The following AKAP6 variants were observed in gnomAD, a reference collection of about 807,000 sequenced individuals.
AKAP6 encodes A-kinase anchor protein 6.
In AKAP6, 58 loss-of-function variants were observed where a neutral mutation model predicts 188.5. The observed-to-expected ratio is 0.31, with a 90% CI of 0.25 to 0.38. The LOEUF (loss-of-function observed/expected upper bound fraction) is 0.38. Among genes scored for constraint, AKAP6 ranks in the 10% least tolerant of loss-of-function variants. The probability of loss-of-function intolerance (pLI) is 1.00; values close to 1 mark genes in which losing one functional copy is unlikely to be tolerated. For synonymous variants in AKAP6, 989 were observed against 998.6 expected (o/e 0.99, Z 0.18); for missense variants, 2,710 against 2,740.0 (o/e 0.99, Z 0.24).
intron 12 of AKAP6, among the ~76,000 whole-genome samples, chr14:32,801,697 A>G (rs1053942516): frequency 2.0e-5 from 3 of 152,174 alleles, no homozygotes; most frequent in Admixed American, 6.5e-5. Flanking sequence ...TCTGTTGGCA[A>G]TGAAACCACC....
intron 11 of AKAP6, among the ~76,000 whole-genome samples, chr14:32,762,022 T>A (rs1368655520): frequency 6.6e-6 from 1 of 152,116 alleles, no homozygotes; most frequent in Non-Finnish European, 1.5e-5. Context: ...AATATAAAAA[T>A]AAATGGCAAT....
intron 4 of AKAP6, among the ~76,000 whole-genome samples, chr14:32,556,369 G>A (rs978406926): frequency 6.6e-6 from 1 of 151,974 alleles, no homozygotes; most frequent in African/African-American, 2.4e-5. Flanking sequence ...TTGAGACAGG[G>A]TCTTGCTCTG....
At chr14:32,625,406 C>A (rs1357500316) in intron 7 of AKAP6, among the ~76,000 whole-genome samples, 1 of 152,078 alleles carries the variant, frequency 6.6e-6, no homozygotes, top group East Asian at 1.9e-4. Flanking sequence ...CCCTGCACAC[C>A]ATTAAGGTGT....
At chr14:32,608,499 C>A (rs1418086365) in intron 7 of AKAP6, among the ~76,000 whole-genome samples, 1,793 of 104,282 alleles carry the variant, frequency 0.017, no homozygotes, top group African/African-American at 0.018. Flanking sequence ...GAGTCTGTCT[C>A]AAAAAAAAAA....
At chr14:32,713,937 G>T (rs1312180066) in intron 9 of AKAP6, among the ~76,000 whole-genome samples, 2 of 152,014 alleles carry the variant, frequency 1.3e-5, no homozygotes, top group Non-Finnish European at 2.9e-5. Context: ...CTCGTTTTCA[G>T]ACTATCTCAG....
intron 2 of AKAP6, among the ~76,000 whole-genome samples, chr14:32,475,557 T>C (rs1455041168): frequency 6.6e-6 from 1 of 152,210 alleles, no homozygotes; most frequent in Non-Finnish European, 1.5e-5. Context: ...ATTCTGTCAA[T>C]GTGGAAGATC....
chr14:32,589,742 A>G (rs963677176), intron 5 of AKAP6, among the ~76,000 whole-genome samples: 1 of 152,220 alleles, frequency 6.6e-6, no homozygotes, highest in Non-Finnish European at 1.5e-5. Flanking sequence ...TTAGGAAATA[A>G]TGATTGTTTT....
chr14:32,814,558 C>G (rs572526600), intron 12 of AKAP6, among the ~76,000 whole-genome samples: 2 of 152,222 alleles, frequency 1.3e-5, no homozygotes, highest in African/African-American at 4.8e-5. Flanking sequence ...AGGCTATTAG[C>G]TTTTACAACT....
chr14:32,464,435 T>A (rs1432563367), intron 2 of AKAP6, among the ~76,000 whole-genome samples: 7 of 152,222 alleles, frequency 4.6e-5, no homozygotes, highest in African/African-American at 1.7e-4. Context: ...GCAAGGCTTG[T>A]TCAACATATG....
intron 5 of AKAP6, among the ~76,000 whole-genome samples, chr14:32,585,442 A>G (rs1369385812): frequency 2.6e-5 from 4 of 152,102 alleles, no homozygotes; most frequent in Non-Finnish European, 5.9e-5. Context: ...TCTTAATTCA[A>G]TTTGATAAAT....
Position 32,545,243 on chromosome 14 carries a change from C to T in AKAP6, c.590C>T (p.Ser197Phe), listed in dbSNP as rs758792601. The change falls in exon 4 of 14, where the codon TCT becomes TTT. Residue 197 changes from serine to phenylalanine, a missense_variant. Coordinates refer to ENST00000280979, the MANE Select transcript of AKAP6 (RefSeq NM_004274.5). Reference protein sequence around the residue: ...SEETKEGRLDSLTEVDDSGQL... With the variant: ...SEETKEGRLDFLTEVDDSGQL... ...TGTCTGTTTCAGGGCCGGCTTGATT[C>T]TCTAACAGAAGTGGATGACTCAGGA... 3 of 1,612,424 alleles carry T rather than the reference C, an allele frequency of 1.9e-6. No homozygotes were observed. The highest frequency in any genetic ancestry group is 2.5e-6 in the Non-Finnish European group (3 of 1,178,698).
chr14:32,827,229 T>C (rs1167729967), intron 13 of AKAP6, among the ~76,000 whole-genome samples: 2 of 152,204 alleles, frequency 1.3e-5, no homozygotes, highest in African/African-American at 4.8e-5. Flanking sequence ...TTGTCATTGT[T>C]CTTACTACAA....
intron 2 of AKAP6, among the ~76,000 whole-genome samples, chr14:32,513,059 G>T (rs1318355748): frequency 2.0e-5 from 3 of 152,140 alleles, no homozygotes; most frequent in Non-Finnish European, 4.4e-5. Context: ...TTACTCAAAG[G>T]CTTGAAAGTG....
chr14:32,727,421 G>C (rs2030926487), intron 9 of AKAP6, among the ~76,000 whole-genome samples: 1 of 152,172 alleles, frequency 6.6e-6, no homozygotes, highest in South Asian at 2.1e-4. Context: ...TGAGTGGTAT[G>C]ATTGGAATTA....
At chr14:32,459,106 A>T (rs1010331942) in intron 2 of AKAP6, among the ~76,000 whole-genome samples, 2 of 152,214 alleles carry the variant, frequency 1.3e-5, no homozygotes, top group African/African-American at 4.8e-5. Flanking sequence ...ATTATGCTAC[A>T]TGAAATAAGT....
At chr14:32,515,427 T>C (rs1881471186) in intron 2 of AKAP6, among the ~76,000 whole-genome samples, 1 of 152,140 alleles carries the variant, frequency 6.6e-6, no homozygotes, top group Non-Finnish European at 1.5e-5. Context: ...GATTCTCACT[T>C]AGTACTCGTT....
intron 8 of AKAP6, among the ~76,000 whole-genome samples, chr14:32,687,940 C>T (rs886393625): frequency 1.3e-5 from 2 of 152,052 alleles, no homozygotes; most frequent in African/African-American, 4.8e-5. Context: ...GATATTATTA[C>T]ACCCCTTTAA....
chr14:32,705,416 C>A (rs775600098), intron 9 of AKAP6, among the ~76,000 whole-genome samples: 2 of 152,062 alleles, frequency 1.3e-5, no homozygotes, highest in South Asian at 4.1e-4. Flanking sequence ...TCTTCTTCAA[C>A]ATTTGATAAA....
At chr14:32,547,272 A>T (rs1206199171) in intron 4 of AKAP6, among the ~76,000 whole-genome samples, 1 of 152,218 alleles carries the variant, frequency 6.6e-6, no homozygotes, top group African/African-American at 2.4e-5. Flanking sequence ...ATGACTACTG[A>T]TGAATGCTGG....
Sources: allele counts gnomAD v4.1 joint callset (sites outside exome capture counted in the v4.1 genomes callset), GRCh38; gene constraint gnomAD v4.1.1; transcripts MANE v1.5; gene names NCBI Gene and HGNC (gene_info 2026-07-23, HGNC 2026-07-21).